RYR2: variants seen among roughly 807,000 people sequenced by gnomAD.
RYR2 encodes the protein ryanodine receptor 2, also known as cardiac muscle ryanodine receptor-calcium release channel.
In RYR2, 227 loss-of-function variants were observed where a neutral mutation model predicts 601.1. The observed-to-expected ratio is 0.38, with a 90% CI of 0.34 to 0.42. The LOEUF is 0.42. Ranked by LOEUF, RYR2 falls within the 10% of genes least tolerant of loss-of-function variation. RYR2 has a pLI of 1.00. For missense variants in RYR2, 4,646 were observed against 6,156.5 expected (o/e 0.75, Z 8.21); for synonymous variants, 2,223 against 2,175.1 (o/e 1.02, Z -0.61).
chr1:237,575,547 C>A (rs904919729), intron 29 of RYR2, among the ~76,000 whole-genome samples: 1 of 151,978 alleles, frequency 6.6e-6, no homozygotes, highest in African/African-American at 2.4e-5. Context: ...CCCCCACCCC[C>A]GGCGTACCTA....
intron 17 of RYR2, among the ~76,000 whole-genome samples, chr1:237,480,799 C>T (rs1308846189): frequency 6.6e-6 from 1 of 152,138 alleles, no homozygotes; most frequent in Non-Finnish European, 1.5e-5. Context: ...TTTGCAAATG[C>T]ATCCACGATA....
Position 237,180,798 on chromosome 1 carries a change from TATA to T in RYR2, c.49-89693_49-89691del, listed in dbSNP as rs1293572938. Among the ~76,000 whole-genome samples the T allele has an allele frequency of 2.0e-5, 3 of 147,946 alleles. No individual in the cohort carries two copies. The highest frequency in any genetic ancestry group is 3.0e-5 in the Non-Finnish European group (2 of 67,242). On this transcript the variant is annotated intron_variant, in intron 1 of 104. Transcript: ENST00000366574. The surrounding 1 kb of genome is among the most constrained non-coding windows in gnomAD (Gnocchi z 5.3). ...ATGCTAACATGAATTATACCAATTA[TATA>T]ATAATTACTAATTTCAATCATGTAA...
intron 1 of RYR2, among the ~76,000 whole-genome samples, chr1:237,068,188 C>A (rs1260308619): frequency 1.3e-5 from 2 of 151,998 alleles, no homozygotes; most frequent in Non-Finnish European, 2.9e-5. Flanking sequence ...TAAAAAAACA[C>A]TTCTTGAAAA....
chr1:237,358,493 T>A (rs1337455526), intron 4 of RYR2, among the ~76,000 whole-genome samples: 1 of 151,878 alleles, frequency 6.6e-6, no homozygotes, highest in African/African-American at 2.4e-5. Context: ...TAATGCTGAC[T>A]TTCTCTGTGG....
At chr1:237,812,813 C>G (rs2149459075) in intron 100 of RYR2, among the ~76,000 whole-genome samples, 1 of 152,236 alleles carries the variant, frequency 6.6e-6, no homozygotes, top group Admixed American at 6.5e-5. Flanking sequence ...TGATTTGGCC[C>G]ACCTGCCCAC....
chr1:237,752,323 T>C (rs970879490), intron 80 of RYR2, among the ~76,000 whole-genome samples: 10 of 152,156 alleles, frequency 6.6e-5, no homozygotes, highest in South Asian at 6.2e-4. Flanking sequence ...TGGCTATTTT[T>C]AGTTTTTTGT....
At chr1:237,225,235 CAGAG>C (rs1183116019) in intron 1 of RYR2, among the ~76,000 whole-genome samples, 2 of 152,158 alleles carry the variant, frequency 1.3e-5, no homozygotes, top group Non-Finnish European at 2.9e-5. Flanking sequence ...TTATTACCGA[CAGAG>C]AGCTTGTTCT....
chr1:237,081,390 C>T lies in RYR2; in HGVS notation c.48+38821C>T, dbSNP rs185224760. Among the ~76,000 whole-genome samples the T allele has an allele frequency of 5.4e-3, 823 of 151,836 alleles. 12 individuals are homozygous for T. The highest frequency in any genetic ancestry group is 0.017 in the African/African-American group (712 of 41,398). Reference sequence around the variant, plus strand: ...CCACAGGTTTGTGCCCCTCAGTCCCCTTGTATGGGTACCCATGGCCCACAC... The same window carrying T: ...CCACAGGTTTGTGCCCCTCAGTCCCTTTGTATGGGTACCCATGGCCCACAC... On this transcript the variant is annotated intron_variant, in intron 1 of 104. Transcript: ENST00000366574.
chr1:237,359,166 A>G (rs1247339362), intron 4 of RYR2, among the ~76,000 whole-genome samples: 1 of 152,158 alleles, frequency 6.6e-6, no homozygotes, highest in Non-Finnish European at 1.5e-5. Flanking sequence ...GCCTCCCTTA[A>G]ACGGGCTGAG....
At chr1:237,643,500 G>A in intron 48 of RYR2, 53 bp downstream of exon 48, 1 of 1,608,446 alleles carries the variant, frequency 6.2e-7, no homozygotes, top group Non-Finnish European at 8.5e-7. Flanking sequence ...ATGACATCAT[G>A]TTCTAAAGAA....
At chr1:237,270,900 G>C (rs1431926304) in intron 2 of RYR2, among the ~76,000 whole-genome samples, 1 of 152,174 alleles carries the variant, frequency 6.6e-6, no homozygotes, top group East Asian at 1.9e-4. Flanking sequence ...TTTGAAAACT[G>C]ATAAGGGCTA....
In RYR2 at chr1:237,536,185, C is replaced by T. The variant is rs111711729; in HGVS notation, c.2906+5675C>T. Among the ~76,000 whole-genome samples, 939 of 152,344 alleles carry T rather than the reference C, an allele frequency of 6.2e-3. 7 individuals are homozygous for T. Among genetic ancestry groups the T allele is most frequent in the Non-Finnish European group, 0.011 (739 of 68,038 alleles). ...TTTCTAACAATAATAGGACGCTTGACCATTTCCTTAACCTTGCTTTATTTC... is the reference window on the plus strand; with the variant it reads ...TTTCTAACAATAATAGGACGCTTGATCATTTCCTTAACCTTGCTTTATTTC... On this transcript the variant is annotated intron_variant, in intron 25 of 104. Transcript: ENST00000366574.
In RYR2 at chr1:237,416,102, A is replaced by G. The variant is rs1704953268; in HGVS notation, c.774-947A>G. ...ACAATAGGAGTTTCCACAGTGTTAA[A>G]AAGAAAGTAAGTCTATTGGATTTGG... On this transcript the variant is annotated intron_variant, in intron 10 of 104. Coordinates refer to ENST00000366574, the MANE Select transcript of RYR2 (RefSeq NM_001035.3). 2.0e-5 allele frequency among the ~76,000 whole-genome samples: 3 copies of G among 152,356 alleles called. No individual in the cohort carries two copies. The South Asian group carries it at 6.2e-4, about 32-fold the overall frequency.
chr1:237,287,584 A>G (rs1189416629), intron 2 of RYR2, among the ~76,000 whole-genome samples: 1 of 152,080 alleles, frequency 6.6e-6, no homozygotes, highest in African/African-American at 2.4e-5. Flanking sequence ...TCTTTCTTCT[A>G]CTTGTTCAAT....
chr1:237,713,263 T>C (rs1020445576), intron 71 of RYR2, among the ~76,000 whole-genome samples: 17 of 152,142 alleles, frequency 1.1e-4, no homozygotes, highest in Non-Finnish European at 2.1e-4. Flanking sequence ...TGCATAAAGA[T>C]GACTGATTAT....
At chr1:237,555,702 A>G (rs545629473) in intron 27 of RYR2, among the ~76,000 whole-genome samples, 1 of 152,308 alleles carries the variant, frequency 6.6e-6, no homozygotes, top group African/African-American at 2.4e-5. Context: ...CAAAGAGAGA[A>G]TGCCTAAGTC....
At chr1:237,805,764 T>C (rs1410763724) in intron 98 of RYR2, among the ~76,000 whole-genome samples, 1 of 152,034 alleles carries the variant, frequency 6.6e-6, no homozygotes, top group Non-Finnish European at 1.5e-5. Flanking sequence ...ATATGCATTA[T>C]CTTTAACATT....
At chr1:237,432,876 G>GTT (rs533791336) in intron 12 of RYR2, among the ~76,000 whole-genome samples, 1 of 136,476 alleles carries the variant, frequency 7.3e-6, no homozygotes. Context: ...TCTTTTTGTT[G>GTT]TTTTTTTTTT....
At chr1:237,535,847 A>T (rs2147982668) in intron 25 of RYR2, among the ~76,000 whole-genome samples, 1 of 152,322 alleles carries the variant, frequency 6.6e-6, no homozygotes, top group African/African-American at 2.4e-5. Context: ...TGATCATCCC[A>T]ATGTATTTAG....
Sources: gnomAD v4.1 joint callset for allele counts (sites outside exome capture counted in the v4.1 genomes callset) on GRCh38, gnomAD v4.1.1 for gene constraint, Gnocchi (gnomAD v3.1) non-coding constraint, MANE v1.5 for transcripts, NCBI Gene and HGNC (gene_info 2026-07-23, HGNC 2026-07-21) for gene names.